IL18R1: variants seen among roughly 807,000 people sequenced by gnomAD.
The protein encoded by IL18R1 is interleukin-18 receptor 1.
IL18R1 carries 40 observed loss-of-function variants against 48.5 expected under a neutral mutation model. That is an observed-to-expected ratio of 0.82 (90% CI 0.64 to 1.07). The LOEUF is 1.07. Ranked by LOEUF, IL18R1 falls within the 50% of genes least tolerant of loss-of-function variation. IL18R1 has a pLI of 0.00. For missense variants in IL18R1, 596 were observed against 633.7 expected (o/e 0.94, Z 0.64); for synonymous variants, 232 against 225.9 (o/e 1.03, Z -0.24).
intron 8 of IL18R1, among the ~76,000 whole-genome samples, chr2:102,388,870 A>G (rs11903946): frequency 0.53 from 81,204 of 151,916 alleles, 23,562 homozygotes; most frequent in African/African-American, 0.73. Context: ...GATAATTTTT[A>G]AAAATTGCAC....
At chr2:102,363,775 G>T (rs529150172) in intron 2 of IL18R1, among the ~76,000 whole-genome samples, 7 of 152,182 alleles carry the variant, frequency 4.6e-5, no homozygotes, top group Non-Finnish European at 1.5e-5. Context: ...TCTACATGTA[G>T]GATTCACTGA....
In IL18R1 at chr2:102,396,425, A is replaced by C. The variant is rs896374496; in HGVS notation, c.1271-106A>C. ...GGTTTGTCTTAAAGAAAAACTTATT[A>C]GTGAGGTTAGGAGTTAATATAAAAT... On this transcript the variant is annotated intron_variant, in intron 10 of 10. Transcript: ENST00000233957. 4 of 593,034 alleles carry C rather than the reference A, an allele frequency of 6.7e-6. No homozygotes were observed. In the African/African-American group the frequency reaches 7.6e-5, roughly 11 times the overall value. The allele number at this position is 593,034 out of a possible 1,614,324, so 36.7% of individuals were successfully genotyped here.
At position 102,381,659 on chromosome 2, in the gene IL18R1, T is replaced by G; in HGVS notation, c.665T>G (p.Leu222Arg). The G allele has an allele frequency of 1.2e-6, 2 of 1,612,836 alleles. No individual in the cohort carries two copies. The highest frequency in any genetic ancestry group is 2.2e-5 in the South Asian group (2 of 91,042). ...GTTCCGGTTCTTCTTGGACCAAAGC[T>G]TAACCATGTTGCAGTGGAATTAGGT... Reference protein sequence around the residue: ...NIVPVLLGPKLNHVAVELGKN... With the variant: ...NIVPVLLGPKRNHVAVELGKN... Residue 222 changes from leucine (L) to arginine (R), a missense_variant, in exon 6 of 11, where the codon CTT (leucine) becomes CGT (arginine). Coordinates refer to ENST00000233957, the MANE Select transcript of IL18R1 (RefSeq NM_003855.5).
At chr2:102,372,749 ATCTAACTAACCCCCTTGTTTCG>A (rs1168253317) in intron 4 of IL18R1, among the ~76,000 whole-genome samples, 1 of 152,094 alleles carries the variant, frequency 6.6e-6, no homozygotes, top group East Asian at 1.9e-4. Context: ...GCCTGGTTTC[ATCTAACTAACCCCCTTGTTTCG>A]TCTAACTAAT....
rs1680942380 is a variant in IL18R1 at position 102,398,710 on chromosome 2, A to G, written c.*1824A>G. 6.6e-6 allele frequency: 1 copy of G among 152,370 alleles called. No homozygotes were observed. The highest frequency in any genetic ancestry group is 1.5e-5 in the Non-Finnish European group (1 of 68,046). The allele number at this position is 152,370 out of a possible 1,614,324, so 9.4% of individuals were successfully genotyped here. Reference sequence around the variant, plus strand: ...AAATGCATTTCAAGTTAAATGTCTTAAATGTATACATTAGATGTGTGTTTT... The same window carrying G: ...AAATGCATTTCAAGTTAAATGTCTTGAATGTATACATTAGATGTGTGTTTT... On this transcript the variant is annotated 3_prime_UTR_variant, in exon 11 of 11. Coordinates refer to ENST00000233957, the MANE Select transcript of IL18R1 (RefSeq NM_003855.5).
At chr2:102,367,733 C>G in intron 2 of IL18R1, 92 bp from the exon 3 acceptor site, 1 of 1,064,888 alleles carries the variant, frequency 9.4e-7, no homozygotes, top group Non-Finnish European at 1.3e-6. Context: ...GCTAACCTTG[C>G]TTCTTCACCT....
In IL18R1 at chr2:102,384,874, C is replaced by T; in HGVS notation, c.689-4C>T. The stretch of plus-strand genomic sequence containing the variant: ...TCAGAACTTTAGTTGCCAACTTTTA[C>T]CAGGAAAAAACGTAAGGCTCAACTG... On this transcript the variant is annotated splice_region_variant and splice_polypyrimidine_tract_variant and intron_variant, in intron 6 of 10. Transcript: ENST00000233957. 1 of 1,605,304 alleles carries T rather than the reference C, an allele frequency of 6.2e-7. No homozygotes were observed. The highest frequency in any genetic ancestry group is 8.5e-7 in the Non-Finnish European group (1 of 1,176,634).
chr2:102,382,431 G>A (rs1559628722), intron 6 of IL18R1, among the ~76,000 whole-genome samples: 1 of 152,118 alleles, frequency 6.6e-6, no homozygotes, highest in Non-Finnish European at 1.5e-5. Context: ...GTCTAGATAA[G>A]TCTTATGAAT....
chr2:102,389,713 C>T (rs944919034), intron 8 of IL18R1, among the ~76,000 whole-genome samples: 4 of 152,242 alleles, frequency 2.6e-5, no homozygotes, highest in African/African-American at 7.2e-5. Flanking sequence ...CCTCAACCCA[C>T]TTGCTAATAT....
chr2:102,382,514 A>G (rs10204757), intron 6 of IL18R1, among the ~76,000 whole-genome samples: 1 of 151,980 alleles, frequency 6.6e-6, no homozygotes, highest in African/African-American at 2.4e-5. Context: ...ACATATGCTA[A>G]ATATGCTAAG....
chr2:102,360,723 AACTT>A (rs1404303919), intron 1 of IL18R1, among the ~76,000 whole-genome samples: 4 of 152,234 alleles, frequency 2.6e-5, no homozygotes, highest in African/African-American at 4.8e-5. Flanking sequence ...AAAAGAAAGA[AACTT>A]AAGAGTTACG....
chr2:102,395,545 T>C (rs1680776220), intron 10 of IL18R1, among the ~76,000 whole-genome samples: 1 of 152,158 alleles, frequency 6.6e-6, no homozygotes, highest in Non-Finnish European at 1.5e-5. Context: ...AAACAACTTG[T>C]CAAAAAAATA....
intron 7 of IL18R1, among the ~76,000 whole-genome samples, chr2:102,385,475 G>A (rs918624806): frequency 1.3e-5 from 2 of 152,184 alleles, no homozygotes; most frequent in Non-Finnish European, 2.9e-5. Context: ...AAAAGAATCA[G>A]TCTAAACATA....
At position 102,386,847 on chromosome 2, in the gene IL18R1, T is replaced by A; in HGVS notation, c.810-14T>A. ...GAACAGAGCCTACTGCTAAATTATTTTGCCCTCTTACAGGACTCCAGAAGG... is the reference window on the plus strand; with the variant it reads ...GAACAGAGCCTACTGCTAAATTATTATGCCCTCTTACAGGACTCCAGAAGG... On this transcript the variant is annotated splice_polypyrimidine_tract_variant and intron_variant, in intron 7 of 10. Coordinates refer to ENST00000233957, the MANE Select transcript of IL18R1 (RefSeq NM_003855.5). 6.2e-7 allele frequency: 1 copy of A among 1,613,740 alleles called. No individual in the cohort carries two copies. The highest frequency in any genetic ancestry group is 2.2e-5 in the East Asian group (1 of 44,878).
rs560881509 is a variant in IL18R1, at chr2:102,394,634, G to C, written c.1270+7G>C. 4.4e-6 allele frequency: 7 copies of C among 1,583,660 alleles called. No individual in the cohort carries two copies. In the African/African-American group the frequency reaches 5.4e-5, roughly 12 times the overall value. ...GATGTAGTGCCTGGAGGAGGTAAGA[G>C]GGAATGCCAGATAGAAAAATATTCA... On this transcript the variant is annotated splice_region_variant and intron_variant, in intron 10 of 10. Transcript: ENST00000233957.
At chr2:102,371,304 T>C (rs922328397) in intron 3 of IL18R1, among the ~76,000 whole-genome samples, 1 of 152,070 alleles carries the variant, frequency 6.6e-6, no homozygotes, top group Non-Finnish European at 1.5e-5. Flanking sequence ...GGATTACAGG[T>C]GTGAGCCACT....
chr2:102,356,482 C>A, intron 1 of IL18R1, 82 bp downstream of exon 1: 1 of 186,006 alleles, frequency 5.4e-6, no homozygotes, highest in Non-Finnish European at 1.0e-5. Context: ...GAGGGATTCT[C>A]AAAACAAGAT....
At position 102,390,152 on chromosome 2, in the gene IL18R1, T is replaced by C. The variant is rs1160531607; in HGVS notation, c.1046T>C (p.Val349Ala). The change falls in exon 9 of 11, where the codon GTC becomes GCC. Residue 349 changes from valine to alanine, a missense_variant. Val to Ala is a moderately conservative substitution (Grantham distance 64). Around this residue, in one of 3 missense-constraint regions of IL18R1, gnomAD observed 57 missense variants for 88.2 expected, o/e 0.65. Transcript: ENST00000233957. ...VAVVCLVTVC[V>A]IYRVDLVLFY... ...GTAGTGTGCCTAGTGACTGTGTGTG[T>C]CATTTATAGAGTTGACTTGGTTCTA... 4 of 1,614,110 alleles carry C rather than the reference T, an allele frequency of 2.5e-6. No homozygotes were observed. Among genetic ancestry groups the C allele is most frequent in the Admixed American group, 1.7e-5 (1 of 60,020 alleles).
In IL18R1 at chr2:102,372,503, C is replaced by A. The variant is rs144759691; in HGVS notation, c.468+385C>A. Among the ~76,000 whole-genome samples the A allele has an allele frequency of 1.3e-3, 203 of 152,094 alleles. 1 individual carries two copies. The highest frequency in any genetic ancestry group is 4.7e-3 in the African/African-American group (193 of 41,482). ...ATATGTTTTTCTGAATATATTAGTT[C>A]ATTTTATAAAATTGGAAATGGTAAT... is the stretch of plus-strand genomic sequence containing the variant. On this transcript the variant is annotated intron_variant, in intron 4 of 10. Coordinates refer to ENST00000233957, the MANE Select transcript of IL18R1 (RefSeq NM_003855.5).
Sources: allele counts gnomAD v4.1 joint callset (sites outside exome capture counted in the v4.1 genomes callset), GRCh38; gene constraint gnomAD v4.1.1; regional missense constraint gnomAD v4.1.1; transcripts MANE v1.5; gene names NCBI Gene and HGNC (gene_info 2026-07-23, HGNC 2026-07-21).